Variants in TM9SF1 observed in about 807,000 individuals in gnomAD.
The protein encoded by TM9SF1 is MP70 protein family member.
A neutral mutation model predicts 52.4 loss-of-function variants in TM9SF1; 25 were observed. That is an observed-to-expected ratio of 0.48 (90% CI 0.35 to 0.67). The LOEUF is 0.67. Ranked by LOEUF, TM9SF1 falls within the 30% of genes least tolerant of loss-of-function variation. The probability of loss-of-function intolerance (pLI) is 0.01; values close to 1 mark genes in which losing one functional copy is unlikely to be tolerated. For synonymous variants in TM9SF1, 284 were observed against 299.8 expected (o/e 0.95, Z 0.55); for missense variants, 604 against 780.3 (o/e 0.77, Z 2.69).
chr14:24,190,858 T>G (rs1299918965), intron 4 of TM9SF1, among the ~76,000 whole-genome samples: 1 of 127,370 alleles, frequency 7.9e-6, no homozygotes, highest in Non-Finnish European at 1.7e-5. Context: ...TGTGTTTTTT[T>G]TTTTTTTTTT....
intron 5 of TM9SF1, 122 bp from the exon 6 acceptor site, chr14:24,189,930 C>T: frequency 1.4e-6 from 2 of 1,430,622 alleles, no homozygotes; most frequent in South Asian, 3.2e-5. Context: ...AGTGAGTTCA[C>T]TCCACTCTCT....
Position 24,194,952 on chromosome 14 carries a change from C to T in TM9SF1, c.68G>A (p.Gly23Asp), listed in dbSNP as rs373125942. 7.4e-5 allele frequency: 119 copies of T among 1,614,076 alleles called. 1 individual carries two copies. In the South Asian group the frequency reaches 1.1e-3, roughly 14 times the overall value. Residue 23 changes from glycine to aspartate, a missense_variant, in exon 2 of 6, where the codon GGC becomes GAC. Around this residue, in one of 3 missense-constraint regions of TM9SF1, gnomAD observed 47 missense variants for 39.7 expected, o/e 1.18. Coordinates refer to ENST00000261789, the MANE Select transcript of TM9SF1 (RefSeq NM_006405.7). ...QWLPILILLLGTGHGPGVEGV... is the reference protein window; with the variant it reads ...QWLPILILLLDTGHGPGVEGV... The stretch of plus-strand genomic sequence containing the variant: ...TTCCACCCCTGGCCCATGGCCTGTG[C>T]CCAGCAACAGTATCAGGATTGGCAA...
chr14:24,191,466 G>A (rs890019108), intron 4 of TM9SF1, among the ~76,000 whole-genome samples: 1 of 152,218 alleles, frequency 6.6e-6, no homozygotes, highest in Non-Finnish European at 1.5e-5. Flanking sequence ...AGCCTAGAGT[G>A]GGCCCACCTT....
intron 4 of TM9SF1, among the ~76,000 whole-genome samples, chr14:24,191,352 C>T (rs1381561226): frequency 6.6e-6 from 1 of 152,124 alleles, no homozygotes; most frequent in Non-Finnish European, 1.5e-5. Context: ...AGCCTTGGTT[C>T]AAATATAAAT....
rs773932773 is a variant in TM9SF1 at position 24,189,341 on chromosome 14, A to C, written c.*74T>G. 25 of 1,476,184 alleles carry C rather than the reference A, an allele frequency of 1.7e-5. No homozygotes were observed. Among genetic ancestry groups the C allele is most frequent in the Non-Finnish European group, 2.3e-5 (25 of 1,099,916 alleles). 91.4% of individuals were successfully genotyped at this position (1,476,184 alleles called of 1,614,324 possible). ...GCCATCACACAATTCAGTCAATCAGAAGAGAAGCTGGTAGGAGAGTTCAAC... is the reference window on the plus strand; with the variant it reads ...GCCATCACACAATTCAGTCAATCAGCAGAGAAGCTGGTAGGAGAGTTCAAC... On this transcript the variant is annotated 3_prime_UTR_variant, in exon 6 of 6. Coordinates refer to ENST00000261789, the MANE Select transcript of TM9SF1 (RefSeq NM_006405.7).
At position 24,194,680 on chromosome 14, in the gene TM9SF1, C is replaced by T; in HGVS notation, c.340G>A (p.Ala114Thr). Residue 114 changes from alanine (A) to threonine (T), a missense_variant, in exon 2 of 6, where the codon GCA becomes ACA. This residue lies in a region of TM9SF1 where 450 missense variants were observed against 560.1 expected (regional missense o/e 0.80). Coordinates refer to ENST00000261789, the MANE Select transcript of TM9SF1 (RefSeq NM_006405.7). ...GCCAATGTGGAGAGGCTGACCTGTG[C>T]AGAACTGAGCTGCATGTGGCACAGA... The part of the protein sequence containing the change: ...RILCHMQLSS[A>T]QVEQLRQAIE... 1.2e-6 allele frequency: 2 copies of T among 1,613,734 alleles called. No individual in the cohort carries two copies. Among genetic ancestry groups the T allele is most frequent in the Non-Finnish European group, 1.7e-6 (2 of 1,179,698 alleles).
In TM9SF1 at chr14:24,193,073, A is replaced by G; in HGVS notation, c.542T>C (p.Val181Ala). The change falls in exon 3 of 6, where the codon GTG (valine) becomes GCG (alanine). Residue 181 changes from valine (V) to alanine (A), a missense_variant. Coordinates refer to ENST00000261789, the MANE Select transcript of TM9SF1 (RefSeq NM_006405.7). The part of the protein sequence containing the change: ...GDRIIFANVS[V>A]RDVKPHSLDG... ...CAAGCTGTGGGGCTTGACGTCCCGC[A>G]CTGAAACATTGGCAAATATAATTCG... 1 of 1,614,164 alleles carries G rather than the reference A, an allele frequency of 6.2e-7. No homozygotes were observed. The highest frequency in any genetic ancestry group is 8.5e-7 in the Non-Finnish European group (1 of 1,180,026).
Position 24,192,447 on chromosome 14 carries a change from A to C in TM9SF1, c.968-91T>G. ...AATCAGCCCCCCTTCTCCCAGACCCAGGGCCTCCAGCAAAACAATCTCCCC... is the reference window on the plus strand; with the variant it reads ...AATCAGCCCCCCTTCTCCCAGACCCCGGGCCTCCAGCAAAACAATCTCCCC... On this transcript the variant is annotated intron_variant, in intron 3 of 5. Coordinates refer to ENST00000261789, the MANE Select transcript of TM9SF1 (RefSeq NM_006405.7). This position sits in a 1 kb window ranked among gnomAD's most constrained non-coding sequence, Gnocchi z 4.0. 6.8e-7 allele frequency: 1 copy of C among 1,459,944 alleles called. No individual in the cohort carries two copies. Among genetic ancestry groups the C allele is most frequent in the Non-Finnish European group, 9.3e-7 (1 of 1,076,188 alleles). The allele number at this position is 1,459,944 out of a possible 1,614,324, so 90.4% of individuals were successfully genotyped here.
chr14:24,189,668 TG>T lies in TM9SF1; in HGVS notation c.1567del (p.Gln523SerfsTer15). ...ACISIALTYFQLSGEDYRWWW... is the reference protein window; with the variant it reads ...ACISIALTYFXLSGEDYRWWW... ...CCAGCGGTAATCCTCCCCAGACAAC[TG>T]GAAGTAGGTGAGTGCAATGGAGATG... On this transcript the variant is annotated frameshift_variant, in exon 6 of 6. Coordinates refer to ENST00000261789, the MANE Select transcript of TM9SF1 (RefSeq NM_006405.7). LOFTEE classifies it high-confidence loss of function. The T allele has an allele frequency of 6.2e-7, 1 of 1,613,990 alleles. No individual in the cohort carries two copies. Among genetic ancestry groups the T allele is most frequent in the Non-Finnish European group, 8.5e-7 (1 of 1,179,996 alleles).
In TM9SF1 at chr14:24,190,448, C is replaced by A. The variant is rs2234113; in HGVS notation, c.1359G>T (p.Glu453Asp). 40 of 1,613,450 alleles carry A rather than the reference C, an allele frequency of 2.5e-5. No homozygotes were observed. Among genetic ancestry groups the A allele is most frequent in the Non-Finnish European group, 3.4e-5 (40 of 1,179,660 alleles). Residue 453 changes from glutamate (E) to aspartate (D), a missense_variant, in exon 5 of 6, where the codon GAG becomes GAT. By Grantham distance (45) the Glu-to-Asp change is conservative. Around this residue, in one of 3 missense-constraint regions of TM9SF1, gnomAD observed 450 missense variants for 560.1 expected, o/e 0.80. Transcript: ENST00000261789. ...ACTTGTACCAGGGCTGGGGTGGAAT[C>A]TCCCGGGCGATGTTCTTGGTGCGAC... Reference protein sequence around the residue: ...APCRTKNIAREIPPQPWYKST... With the variant: ...APCRTKNIARDIPPQPWYKST...
Position 24,189,244 on chromosome 14 carries a change from T to C in TM9SF1, c.*171A>G. 1.5e-6 allele frequency: 1 copy of C among 674,660 alleles called. No homozygotes were observed. The allele number at this position is 674,660 out of a possible 1,614,324, so 41.8% of individuals were successfully genotyped here. ...AAAGTTCAAATATATAATCCTTATGTGATAGAGATTTATAATTTCCAGGCC... is the reference window on the plus strand; with the variant it reads ...AAAGTTCAAATATATAATCCTTATGCGATAGAGATTTATAATTTCCAGGCC... On this transcript the variant is annotated 3_prime_UTR_variant, in exon 6 of 6. Transcript: ENST00000261789.
In TM9SF1 at chr14:24,193,015, A is replaced by G; in HGVS notation, c.600T>C (p.Leu200=). ...DGLRPDEFLG[L]THTYSVRWSE... The stretch of plus-strand genomic sequence containing the variant: ...ACCAGCGCACGCTATAAGTGTGGGT[A>G]AGGCCTAGGAACTCGTCAGGTCGTA... The change falls in exon 3 of 6, where the codon CTT becomes CTC. Residue 200 remains leucine, a synonymous_variant. Coordinates refer to ENST00000261789, the MANE Select transcript of TM9SF1 (RefSeq NM_006405.7). 3 of 1,614,190 alleles carry G rather than the reference A, an allele frequency of 1.9e-6. No individual in the cohort carries two copies. The highest frequency in any genetic ancestry group is 2.5e-6 in the Non-Finnish European group (3 of 1,180,022).
chr14:24,194,678 T>TG lies in TM9SF1; in HGVS notation c.341dup (p.Gln115ThrfsTer10). On this transcript the variant is annotated frameshift_variant, in exon 2 of 6. Coordinates refer to ENST00000261789, the MANE Select transcript of TM9SF1 (RefSeq NM_006405.7). LOFTEE classifies it high-confidence loss of function. The stretch of plus-strand genomic sequence containing the variant: ...TAGCCAATGTGGAGAGGCTGACCTG[T>TG]GCAGAACTGAGCTGCATGTGGCACA... 6.2e-7 allele frequency: 1 copy of TG among 1,613,848 alleles called. No homozygotes were observed. Among genetic ancestry groups the TG allele is most frequent in the South Asian group, 1.1e-5 (1 of 91,070 alleles).
In TM9SF1 at chr14:24,192,818, G is replaced by A. The variant is rs1378570570; in HGVS notation, c.797C>T (p.Ala266Val). Residue 266 changes from alanine (A) to valine (V), a missense_variant, in exon 3 of 6, where the codon GCT (alanine) becomes GTT (valine). Physicochemically the swap from Ala to Val is moderately conservative, Grantham distance 64. Coordinates refer to ENST00000261789, the MANE Select transcript of TM9SF1 (RefSeq NM_006405.7). This position sits in a 1 kb window ranked among gnomAD's most constrained non-coding sequence, Gnocchi z 4.0. ...ILMRVLRNDLARYNLDEETTS... is the reference protein window; with the variant it reads ...ILMRVLRNDLVRYNLDEETTS... ...GGTCTCCTCATCTAAGTTGTACCGA[G>A]CCAGGTCATTCCGAAGCACACGCAT... The A allele has an allele frequency of 2.5e-6, 4 of 1,613,854 alleles. No individual in the cohort carries two copies. The highest frequency in any genetic ancestry group is 3.4e-6 in the Non-Finnish European group (4 of 1,179,834).
Position 24,189,679 on chromosome 14 carries a change from G to A in TM9SF1, c.1557C>T (p.Leu519=), listed in dbSNP as rs1566647191. 4 of 1,614,186 alleles carry A rather than the reference G, an allele frequency of 2.5e-6. No homozygotes were observed. Among genetic ancestry groups the A allele is most frequent in the East Asian group, 2.2e-5 (1 of 44,892 alleles). Residue 519 remains leucine, a synonymous_variant, in exon 6 of 6, where the codon CTC becomes CTT. Coordinates refer to ENST00000261789, the MANE Select transcript of TM9SF1 (RefSeq NM_006405.7). ...LSVGACISIA[L]TYFQLSGEDY... ...CCTCCCCAGACAACTGGAAGTAGGTGAGTGCAATGGAGATGCAAGCCCCCA... is the reference window on the plus strand; with the variant it reads ...CCTCCCCAGACAACTGGAAGTAGGTAAGTGCAATGGAGATGCAAGCCCCCA...
At chr14:24,191,972 A>G in intron 4 of TM9SF1, 199 bp downstream of exon 4, 1 of 550,294 alleles carries the variant, frequency 1.8e-6, no homozygotes, top group Non-Finnish European at 3.3e-6. Context: ...GTGAACCACC[A>G]TGCCCGGCTA....
At chr14:24,193,793 G>A (rs1368452430) in intron 2 of TM9SF1, among the ~76,000 whole-genome samples, 12 of 151,790 alleles carry the variant, frequency 7.9e-5, no homozygotes, top group Admixed American at 7.2e-4. Flanking sequence ...GGTGGCGGGC[G>A]CCTGTAGTCC....
At chr14:24,190,129 G>C in intron 5 of TM9SF1, 1 of 1,373,790 alleles carries the variant, frequency 7.3e-7, no homozygotes. Context: ...CCCACATGAT[G>C]TCCATAGGCA....
chr14:24,192,056 C>T lies in TM9SF1; in HGVS notation c.1153+115G>A. The stretch of plus-strand genomic sequence containing the variant: ...CAAACTTTTGGGCTCAAGTGATCCT[C>T]CGGCCTCGGTCTCCCAAAGTGCTAG... On this transcript the variant is annotated intron_variant, in intron 4 of 5. Transcript: ENST00000261789. The surrounding 1 kb of genome is among the most constrained non-coding windows in gnomAD (Gnocchi z 4.0). 9.2e-7 allele frequency: 1 copy of T among 1,083,460 alleles called. No individual in the cohort carries two copies. The highest frequency in any genetic ancestry group is 1.4e-6 in the Non-Finnish European group (1 of 719,056). The allele number at this position is 1,083,460 out of a possible 1,614,324, so 67.1% of individuals were successfully genotyped here.
Sources: allele counts gnomAD v4.1 joint callset (sites outside exome capture counted in the v4.1 genomes callset), GRCh38; gene constraint gnomAD v4.1.1; regional missense constraint gnomAD v4.1.1; non-coding constraint Gnocchi (gnomAD v3.1); transcripts MANE v1.5; gene names NCBI Gene and HGNC (gene_info 2026-07-23, HGNC 2026-07-21).